TSPAN9: variants seen among roughly 807,000 people sequenced by gnomAD.
TSPAN9 encodes the protein tetraspanin-9.
TSPAN9 carries 16 observed loss-of-function variants against 31.0 expected under a neutral mutation model. That is an observed-to-expected ratio of 0.52 (90% CI 0.35 to 0.78). TSPAN9 has a LOEUF of 0.78. TSPAN9 is among the 30% of genes least tolerant of loss of function. The pLI, the probability that TSPAN9 is intolerant of heterozygous loss-of-function variation, is 0.01. For missense variants in TSPAN9, 272 were observed against 312.5 expected, an observed-to-expected ratio of 0.87 and a Z score of 0.98; for synonymous variants, 145 against 121.6, an observed-to-expected ratio of 1.19 and a Z score of -1.27.
At chr12:3,261,668 C>T (rs921296180) in intron 3 of TSPAN9, among the ~76,000 whole-genome samples, 2 of 152,142 alleles carry the variant, frequency 1.3e-5, no homozygotes, top group African/African-American at 4.8e-5. Flanking sequence ...CAGGGAGTTT[C>T]GGGCATTTTG....
intron 3 of TSPAN9, among the ~76,000 whole-genome samples, chr12:3,214,666 G>A (rs1306872879): frequency 6.6e-6 from 1 of 152,026 alleles, no homozygotes; most frequent in East Asian, 1.9e-4. Context: ...ATTTGAACAC[G>A]CCCTCCCCCC....
intron 3 of TSPAN9, among the ~76,000 whole-genome samples, chr12:3,207,485 A>G (rs2098375906): frequency 6.6e-6 from 1 of 152,014 alleles, no homozygotes; most frequent in African/African-American, 2.4e-5. Flanking sequence ...GATGTTAAAA[A>G]TGGCACACGG....
chr12:3,199,385 C>T (rs1310172477), intron 2 of TSPAN9, among the ~76,000 whole-genome samples: 3 of 152,244 alleles, frequency 2.0e-5, no homozygotes, highest in Non-Finnish European at 4.4e-5. Flanking sequence ...GTCTTCTAAT[C>T]CTCATCATTT....
At chr12:3,273,007 G>C (rs1336226160) in intron 3 of TSPAN9, 1 of 152,334 alleles carries the variant, frequency 6.6e-6, no homozygotes, top group Admixed American at 6.5e-5. Context: ...CAGTTTACCT[G>C]CTGCGCGTAT....
At chr12:3,231,176 C>T (rs77469236) in intron 3 of TSPAN9, among the ~76,000 whole-genome samples, 1,733 of 152,214 alleles carry the variant, frequency 0.011, 36 homozygotes, top group African/African-American at 0.039. Context: ...AGTCTCTTAT[C>T]GCCGCAGAAA....
chr12:3,265,302 G>A lies in TSPAN9; in HGVS notation c.64-13119G>A, dbSNP rs61907481. Reference sequence around the variant, plus strand: ...TACATCAGTGAGTTACAGGCACCGCGTGGAAAAGGGTCCAACTCCAAGGGC... The same window carrying A: ...TACATCAGTGAGTTACAGGCACCGCATGGAAAAGGGTCCAACTCCAAGGGC... On this transcript the variant is annotated intron_variant, in intron 3 of 8. Transcript: ENST00000011898. Among the ~76,000 whole-genome samples, 543 of 152,294 alleles carry A rather than the reference G, an allele frequency of 3.6e-3. 2 individuals are homozygous for A. The highest frequency in any genetic ancestry group is 5.5e-3 in the Non-Finnish European group (376 of 68,030).
At chr12:3,246,450 C>T (rs1862128598) in intron 3 of TSPAN9, among the ~76,000 whole-genome samples, 1 of 152,162 alleles carries the variant, frequency 6.6e-6, no homozygotes, top group South Asian at 2.1e-4. Context: ...ACTTTGGCTG[C>T]CTTGGCAGAA....
chr12:3,221,496 T>A (rs1454991427), intron 3 of TSPAN9, among the ~76,000 whole-genome samples: 1 of 151,050 alleles, frequency 6.6e-6, no homozygotes, highest in Non-Finnish European at 1.5e-5. Flanking sequence ...GCAGCTGGGA[T>A]TACAGGTGCA....
rs943559093 is a variant in TSPAN9, at chr12:3,280,859, G to T, written c.433-339G>T. ...GCTCCCATTTTAAGCCCTGGGGAGG[G>T]GCCGGCAGGGGGTTGGGTGGCAGTC... On this transcript the variant is annotated intron_variant, in intron 6 of 8. Coordinates refer to ENST00000011898, the MANE Select transcript of TSPAN9 (RefSeq NM_006675.5). The surrounding 1 kb of genome is among the most constrained non-coding windows in gnomAD (Gnocchi z 4.5). 6.6e-6 allele frequency among the ~76,000 whole-genome samples: 1 copy of T among 151,282 alleles called. No individual in the cohort carries two copies. Among genetic ancestry groups the T allele is most frequent in the Non-Finnish European group, 1.5e-5 (1 of 67,746 alleles).
intron 3 of TSPAN9, among the ~76,000 whole-genome samples, chr12:3,204,258 C>G (rs757381189): frequency 6.6e-6 from 1 of 152,218 alleles, no homozygotes; most frequent in East Asian, 1.9e-4. Context: ...ACCGCTGCCG[C>G]CACACCACCC....
At chr12:3,126,541 T>A (rs535499229) in intron 2 of TSPAN9, among the ~76,000 whole-genome samples, 8 of 152,288 alleles carry the variant, frequency 5.3e-5, no homozygotes, top group African/African-American at 1.4e-4. Flanking sequence ...TATAAAAGAT[T>A]TAAAGTGGTA....
intron 2 of TSPAN9, among the ~76,000 whole-genome samples, chr12:3,085,559 C>T (rs1376625290): frequency 6.6e-6 from 1 of 152,146 alleles, no homozygotes; most frequent in East Asian, 1.9e-4. Flanking sequence ...TGGAGCCATG[C>T]TCTGGGATGT....
At chr12:3,209,320 C>T (rs983121734) in intron 3 of TSPAN9, among the ~76,000 whole-genome samples, 5 of 152,132 alleles carry the variant, frequency 3.3e-5, no homozygotes, top group African/African-American at 9.7e-5. Context: ...TAGTGCACAC[C>T]TTTCCATGGC....
chr12:3,279,367 C>A (rs1417085713), intron 5 of TSPAN9, among the ~76,000 whole-genome samples: 1 of 152,258 alleles, frequency 6.6e-6, no homozygotes, highest in African/African-American at 2.4e-5. Flanking sequence ...CGCTAGTGAG[C>A]TCCCTCTCAC....
chr12:3,211,360 A>G (rs1038115876), intron 3 of TSPAN9, among the ~76,000 whole-genome samples: 17 of 152,092 alleles, frequency 1.1e-4, no homozygotes, highest in African/African-American at 4.1e-4. Flanking sequence ...CACTGTCTTC[A>G]TTACTACAAC....
intron 2 of TSPAN9, among the ~76,000 whole-genome samples, chr12:3,096,732 C>G (rs1265907964): frequency 6.6e-6 from 1 of 151,452 alleles, no homozygotes; most frequent in Admixed American, 6.6e-5. Flanking sequence ...GAATCTCGCT[C>G]TGTCGCCCGG....
At chr12:3,134,125 TG>T (rs1446818669) in intron 2 of TSPAN9, among the ~76,000 whole-genome samples, 1 of 152,160 alleles carries the variant, frequency 6.6e-6, no homozygotes, top group Non-Finnish European at 1.5e-5. Context: ...CATGGATGCT[TG>T]GCCTTCCTCG....
At chr12:3,159,174 G>A (rs773132943) in intron 2 of TSPAN9, among the ~76,000 whole-genome samples, 8 of 150,806 alleles carry the variant, frequency 5.3e-5, no homozygotes, top group Non-Finnish European at 1.0e-4. Flanking sequence ...TCTGAGCCTC[G>A]GAGGCTACGG....
chr12:3,165,899 T>C (rs955385560), intron 2 of TSPAN9, among the ~76,000 whole-genome samples: 1 of 152,186 alleles, frequency 6.6e-6, no homozygotes, highest in Non-Finnish European at 1.5e-5. Context: ...GGCAGCCTCA[T>C]GCAGGGGACG....
Sources: gnomAD v4.1 joint callset for allele counts (sites outside exome capture counted in the v4.1 genomes callset) on GRCh38, gnomAD v4.1.1 for gene constraint, Gnocchi (gnomAD v3.1) non-coding constraint, MANE v1.5 for transcripts, NCBI Gene and HGNC (gene_info 2026-07-23, HGNC 2026-07-21) for gene names.